Variants in LRMDA observed in about 807,000 individuals in gnomAD.
LRMDA encodes leucine rich melanocyte differentiation associated.
In LRMDA, 18 loss-of-function variants were observed where a neutral mutation model predicts 29.8. The observed-to-expected ratio is 0.60, with a 90% confidence interval of 0.42 to 0.90. The LOEUF is 0.90. Among genes scored for constraint, LRMDA ranks in the 40% least tolerant of loss-of-function variants. The pLI is 0.00. For synonymous variants in LRMDA, 125 were observed against 109.4 expected (o/e 1.14, Z -0.89); for missense variants, 273 against 273.9 (o/e 1.00, Z 0.02).
chr10:76,152,827 C>T (rs1237222616), intron 5 of LRMDA, among the ~76,000 whole-genome samples: 1 of 150,268 alleles, frequency 6.7e-6, no homozygotes, highest in South Asian at 2.1e-4. Flanking sequence ...CTTTAAAAAA[C>T]TGTCTATTCA....
At chr10:76,507,179 T>G (rs192635121) in intron 6 of LRMDA, among the ~76,000 whole-genome samples, 1 of 148,524 alleles carries the variant, frequency 6.7e-6, no homozygotes, top group Non-Finnish European at 1.5e-5. Flanking sequence ...TGATTTGCAG[T>G]TCCTTGATGA....
intron 2 of LRMDA, among the ~76,000 whole-genome samples, chr10:75,598,307 G>A (rs1840827448): frequency 6.6e-6 from 1 of 152,116 alleles, no homozygotes; most frequent in Non-Finnish European, 1.5e-5. Context: ...AAAGGAAGCT[G>A]TGTGCTCGTC....
intron 2 of LRMDA, among the ~76,000 whole-genome samples, chr10:75,925,058 A>T (rs751360629): frequency 2.0e-5 from 3 of 152,128 alleles, no homozygotes; most frequent in Non-Finnish European, 4.4e-5. Context: ...CTTTCTCCTC[A>T]TCGGAGTATG....
chr10:76,008,427 G>A (rs1392837847), intron 2 of LRMDA, among the ~76,000 whole-genome samples: 1 of 151,880 alleles, frequency 6.6e-6, no homozygotes, highest in Non-Finnish European at 1.5e-5. Context: ...TTTGCCTGCT[G>A]CACCCTTTCT....
At chr10:75,631,143 ATCCCATGT>A (rs1269523266) in intron 2 of LRMDA, among the ~76,000 whole-genome samples, 1 of 152,042 alleles carries the variant, frequency 6.6e-6, no homozygotes, top group African/African-American at 2.4e-5. Context: ...TCTAGCTGTG[ATCCCATGT>A]TTCCACAGAA....
intron 3 of LRMDA, among the ~76,000 whole-genome samples, chr10:76,046,304 G>A (rs942752033): frequency 2.0e-5 from 3 of 152,084 alleles, no homozygotes; most frequent in Non-Finnish European, 4.4e-5. Flanking sequence ...TGAATCTATG[G>A]CTCTTGCTTT....
At chr10:75,467,269 A>G (rs1422744755) in intron 2 of LRMDA, among the ~76,000 whole-genome samples, 1 of 152,222 alleles carries the variant, frequency 6.6e-6, no homozygotes, top group Non-Finnish European at 1.5e-5. Flanking sequence ...GAGCCATGGC[A>G]GGGAAGGGTG....
In LRMDA at chr10:76,164,954, GGTTT is replaced by G. The variant is rs550740246; in HGVS notation, c.516+106180_516+106183del. On this transcript the variant is annotated intron_variant, in intron 5 of 6. Transcript: ENST00000611255. The stretch of plus-strand genomic sequence containing the variant: ...ACTACGTAATTTATAAAGAAAAGAG[GGTTT>G]GTTTGTTTATTTGTTTTTGTTTTTG... Among the ~76,000 whole-genome samples, 215 of 152,086 alleles carry G rather than the reference GGTTT, an allele frequency of 1.4e-3. 1 individual carries two copies. The highest frequency in any genetic ancestry group is 4.6e-3 in the African/African-American group (193 of 41,526).
chr10:75,923,367 G>A (rs1231560843), intron 2 of LRMDA, among the ~76,000 whole-genome samples: 1 of 152,150 alleles, frequency 6.6e-6, no homozygotes, highest in Non-Finnish European at 1.5e-5. Context: ...GCATAATTCT[G>A]CTCAGTGCCG....
intron 5 of LRMDA, among the ~76,000 whole-genome samples, chr10:76,310,832 A>T (rs1840620808): frequency 6.6e-6 from 1 of 152,232 alleles, no homozygotes. Context: ...ATGCACTCTT[A>T]TTGAAAGCAA....
At chr10:75,811,009 C>G (rs1349222326) in intron 2 of LRMDA, among the ~76,000 whole-genome samples, 1 of 152,022 alleles carries the variant, frequency 6.6e-6, no homozygotes, top group Non-Finnish European at 1.5e-5. Flanking sequence ...GGTCCAGGGC[C>G]CAAGCTCCTA....
In LRMDA at chr10:75,925,222, C is replaced by T. The variant is rs185683273; in HGVS notation, c.132-110786C>T. ...ATTTTTTTTTGTAAATTTTTTTTGC[C>T]CTCTCAGCATTAGGTTTTGAATAAT... On this transcript the variant is annotated intron_variant, in intron 2 of 6. Transcript: ENST00000611255. Among the ~76,000 whole-genome samples the T allele has an allele frequency of 1.4e-3, 219 of 151,748 alleles. 1 individual carries two copies. The highest frequency in any genetic ancestry group is 3.4e-3 in the Middle Eastern group (1 of 292).
At chr10:75,648,557 G>A (rs1301939578) in intron 2 of LRMDA, among the ~76,000 whole-genome samples, 1 of 152,140 alleles carries the variant, frequency 6.6e-6, no homozygotes, top group Non-Finnish European at 1.5e-5. Context: ...TGGTCTGCTT[G>A]GGGATGTGAG....
chr10:76,116,270 A>G (rs1849666975), intron 5 of LRMDA, among the ~76,000 whole-genome samples: 1 of 152,214 alleles, frequency 6.6e-6, no homozygotes, highest in Non-Finnish European at 1.5e-5. Context: ...GCTACTTAGA[A>G]AAGATAATAT....
intron 6 of LRMDA, among the ~76,000 whole-genome samples, chr10:76,479,410 C>G (rs1842713968): frequency 6.6e-6 from 1 of 151,796 alleles, no homozygotes. Flanking sequence ...TCAGAAGGGC[C>G]CAGGCTTGGT....
At chr10:76,370,869 A>G (rs954517765) in intron 6 of LRMDA, among the ~76,000 whole-genome samples, 1 of 152,156 alleles carries the variant, frequency 6.6e-6, no homozygotes, top group Non-Finnish European at 1.5e-5. Flanking sequence ...AGGTCTGTCT[A>G]TAGGGTTCAG....
At chr10:76,478,101 C>T (rs1336292430) in intron 6 of LRMDA, among the ~76,000 whole-genome samples, 1 of 152,142 alleles carries the variant, frequency 6.6e-6, no homozygotes, top group East Asian at 1.9e-4. Context: ...AAACTACCAT[C>T]AGAGTGAATA....
At chr10:75,937,738 A>C (rs759569679) in intron 2 of LRMDA, among the ~76,000 whole-genome samples, 1 of 152,212 alleles carries the variant, frequency 6.6e-6, no homozygotes, top group Admixed American at 6.5e-5. Context: ...GCGGGCGTGT[A>C]AGGAAAGAAG....
chr10:76,453,737 G>A (rs1466517518), intron 6 of LRMDA, among the ~76,000 whole-genome samples: 1 of 152,204 alleles, frequency 6.6e-6, no homozygotes, highest in Non-Finnish European at 1.5e-5. Flanking sequence ...ATGTAGCTCA[G>A]CAGTTGGATG....
Sources: allele counts gnomAD v4.1 joint callset (sites outside exome capture counted in the v4.1 genomes callset), GRCh38; gene constraint gnomAD v4.1.1; transcripts MANE v1.5; gene names NCBI Gene and HGNC (gene_info 2026-07-23, HGNC 2026-07-21).